The following ZFHX3 variants were observed in gnomAD, a reference collection of about 807,000 sequenced individuals.
ZFHX3 encodes the protein zinc finger homeobox 3, also known as zinc finger homeobox protein 3.
A neutral mutation model predicts 279.1 loss-of-function variants in ZFHX3; 42 were observed. The ratio of observed to expected loss-of-function variants is 0.15; its 90% CI spans 0.12 to 0.19. The LOEUF (loss-of-function observed/expected upper bound fraction) is 0.19, where lower values mean the gene tolerates loss of function less well. ZFHX3 is among the 10% of genes least tolerant of loss of function. The pLI, the probability that ZFHX3 is intolerant of heterozygous loss-of-function variation, is 1.00. For synonymous variants in ZFHX3, 2,293 were observed against 1,957.8 expected, an observed-to-expected ratio of 1.17 and a Z score of -4.52; for missense variants, 4,981 against 4,754.0, an observed-to-expected ratio of 1.05 and a Z score of -1.40.
At chr16:73,552,919 G>A (rs945983774) in intron 2 of ZFHX3, among the ~76,000 whole-genome samples, 3 of 152,146 alleles carry the variant, frequency 2.0e-5, no homozygotes, top group Non-Finnish European at 4.4e-5. Context: ...CTCTTCTTGT[G>A]ACCTAAGTTT....
chr16:73,713,097 A>AAG (rs1057392623), intron 1 of ZFHX3, among the ~76,000 whole-genome samples: 4 of 152,292 alleles, frequency 2.6e-5, no homozygotes, highest in Non-Finnish European at 5.9e-5. Context: ...AAAGGAGAGA[A>AAG]AGAGAGAGAG....
chr16:73,301,772 T>G (rs79362549), intron 4 of ZFHX3, among the ~76,000 whole-genome samples: 1 of 152,110 alleles, frequency 6.6e-6, no homozygotes, highest in African/African-American at 2.4e-5. Context: ...TTTTTTTTTT[T>G]TGTGACAAGC....
At chr16:73,306,466 C>T (rs932463246) in intron 4 of ZFHX3, among the ~76,000 whole-genome samples, 3 of 150,848 alleles carry the variant, frequency 2.0e-5, no homozygotes, top group Admixed American at 6.6e-5. Context: ...ATTACAGGTG[C>T]CCGCCACCAC....
chr16:73,265,890 C>T lies in ZFHX3; in HGVS notation c.-1193-8754G>A, dbSNP rs77888371. On this transcript the variant is annotated intron_variant, in intron 4 of 17. Transcript: ENST00000641206. ...TCCTGAAGGGAAAAGCAAGCATTCC[C>T]AAGGAGAATAAGGAAAATGTAAACA... is the stretch of plus-strand genomic sequence containing the variant. Among the ~76,000 whole-genome samples the T allele has an allele frequency of 6.9e-4, 105 of 152,266 alleles. 3 individuals carry two copies. The East Asian group carries it at 0.019, about 28-fold the overall frequency.
At chr16:72,926,120 A>G (rs957829530) in intron 3 of ZFHX3, among the ~76,000 whole-genome samples, 30 of 152,192 alleles carry the variant, frequency 2.0e-4, no homozygotes, top group African/African-American at 6.3e-4. Context: ...ACATCTATCA[A>G]CTGAAACCTT....
At chr16:73,446,777 C>A (rs2018193487) in intron 3 of ZFHX3, among the ~76,000 whole-genome samples, 1 of 152,074 alleles carries the variant, frequency 6.6e-6, no homozygotes, top group Admixed American at 6.5e-5. Flanking sequence ...AAAAATCAAC[C>A]ATGGGTACTA....
intron 7 of ZFHX3, among the ~76,000 whole-genome samples, chr16:73,122,504 G>A (rs1407924745): frequency 6.6e-6 from 1 of 152,064 alleles, no homozygotes; most frequent in East Asian, 1.9e-4. Flanking sequence ...ACTGTGCCTG[G>A]CCACATATAA....
chr16:72,863,029 A>G (rs942926494), intron 4 of ZFHX3, among the ~76,000 whole-genome samples: 1 of 152,094 alleles, frequency 6.6e-6, no homozygotes, highest in Admixed American at 6.5e-5. Context: ...GGATCGCTTG[A>G]GCCCAGGAGT....
At position 72,798,038 on chromosome 16, in the gene ZFHX3, G is replaced by C. The variant is rs752574846; in HGVS notation, c.4644C>G (p.Thr1548=). 1.2e-6 allele frequency: 2 copies of C among 1,614,062 alleles called. No homozygotes were observed. The highest frequency in any genetic ancestry group is 1.3e-5 in the African/African-American group (1 of 74,908). ...FLDPSRPYKC[T]VCKESFTQKN... ...TTTGAGTGAAAGATTCCTTGCAGAC[G>C]GTACACTTGTAAGGGCGAGAAGGGT... The change falls in exon 9 of 10, where the codon ACC becomes ACG. Residue 1548 remains threonine (T), a synonymous_variant. Coordinates refer to ENST00000268489, the MANE Select transcript of ZFHX3 (RefSeq NM_006885.4).
intron 3 of ZFHX3, among the ~76,000 whole-genome samples, chr16:73,326,414 T>C (rs2015690200): frequency 1.3e-5 from 2 of 152,148 alleles, no homozygotes; most frequent in Admixed American, 6.5e-5. Context: ...TGCTCATGAG[T>C]TTTAAAACTG....
chr16:73,324,286 A>G (rs540898964), intron 3 of ZFHX3, among the ~76,000 whole-genome samples: 2 of 152,174 alleles, frequency 1.3e-5, no homozygotes, highest in Admixed American at 6.5e-5. Flanking sequence ...GGCTTGGCTC[A>G]TGTTTCAATC....
rs1192098159 is a variant in ZFHX3, at chr16:72,786,058, T to C, written c.*1106A>G. 6.6e-6 allele frequency: 1 copy of C among 150,840 alleles called. No homozygotes were observed. Among genetic ancestry groups the C allele is most frequent in the Non-Finnish European group, 1.5e-5 (1 of 67,724 alleles). The allele number at this position is 150,840 out of a possible 1,614,324, so 9.3% of individuals were successfully genotyped here. A position where few individuals can be genotyped will look rare whatever the true frequency, so the allele number is the denominator to read the frequency against. ...AAGTGGGAGATTATAGGACGGGAGG[T>C]GGGAGAAGGAAAGAGAAAGTGGAAT... On this transcript the variant is annotated 3_prime_UTR_variant, in exon 10 of 10. Coordinates refer to ENST00000268489, the MANE Select transcript of ZFHX3 (RefSeq NM_006885.4).
intron 1 of ZFHX3, among the ~76,000 whole-genome samples, chr16:73,043,466 A>G (rs1965186165): frequency 6.6e-6 from 1 of 152,206 alleles, no homozygotes; most frequent in Non-Finnish European, 1.5e-5. Flanking sequence ...TTGAGCCCTT[A>G]TTCTTGTAAA....
At chr16:73,503,458 T>G (rs998718592) in intron 2 of ZFHX3, among the ~76,000 whole-genome samples, 1 of 151,910 alleles carries the variant, frequency 6.6e-6, no homozygotes, top group East Asian at 1.9e-4. Flanking sequence ...GCAAAAGGAG[T>G]TGACCGCACG....
At chr16:73,464,358 G>A (rs2018525458) in intron 2 of ZFHX3, among the ~76,000 whole-genome samples, 4 of 152,026 alleles carry the variant, frequency 2.6e-5, no homozygotes, top group South Asian at 2.1e-4. Context: ...GAGGGAAGAT[G>A]GGGGAGGGGG....
Position 72,798,464 on chromosome 16 carries a change from A to G in ZFHX3, c.4218T>C (p.Cys1406=), listed in dbSNP as rs1389637612. ...TTTCAATGGTCTTGAAGGCCAGGCT[A>G]CACTGATTACAGCGGTACTTGTACA... ...RHVYKYRCNQ[C]SLAFKTIEKL... Residue 1406 remains cysteine (C), a synonymous_variant, in exon 9 of 10, where the codon TGT becomes TGC. Transcript: ENST00000268489. The G allele has an allele frequency of 6.2e-7, 1 of 1,614,258 alleles. No homozygotes were observed. Among genetic ancestry groups the G allele is most frequent in the Admixed American group, 1.7e-5 (1 of 60,032 alleles).
chr16:73,676,104 A>G (rs535707859), intron 2 of ZFHX3, among the ~76,000 whole-genome samples: 11 of 152,154 alleles, frequency 7.2e-5, no homozygotes, highest in Admixed American at 2.0e-4. Context: ...AGGAAAAAGT[A>G]TAAGAATCAT....
chr16:73,458,440 A>G (rs2018413609), intron 2 of ZFHX3, among the ~76,000 whole-genome samples: 4 of 150,238 alleles, frequency 2.7e-5, no homozygotes, highest in South Asian at 4.2e-4. Flanking sequence ...CAGTGGTGCA[A>G]TCTTGGCTCA....
chr16:73,233,255 G>C (rs1310455826), intron 5 of ZFHX3: 1 of 152,138 alleles, frequency 6.6e-6, no homozygotes, highest in Non-Finnish European at 1.5e-5. Flanking sequence ...GACAGAATTA[G>C]GGACCACCAG....
Sources: gnomAD v4.1 joint callset for allele counts (sites outside exome capture counted in the v4.1 genomes callset) on GRCh38, gnomAD v4.1.1 for gene constraint, MANE v1.5 for transcripts, NCBI Gene and HGNC (gene_info 2026-07-23, HGNC 2026-07-21) for gene names.